KLC2: variants seen among roughly 807,000 people sequenced by gnomAD.
The protein encoded by KLC2 is KLC 2.
A neutral mutation model predicts 75.1 loss-of-function variants in KLC2; 35 were observed. The ratio of observed to expected loss-of-function variants is 0.47; its 90% CI spans 0.36 to 0.62. KLC2 has a LOEUF of 0.62. Among genes scored for constraint, KLC2 ranks in the 20% least tolerant of loss-of-function variants. KLC2 has a pLI of 0.00. For missense variants in KLC2, 611 were observed against 833.2 expected (o/e 0.73, Z 3.28); for synonymous variants, 314 against 336.7 (o/e 0.93, Z 0.74).
chr11:66,263,046 C>T lies in KLC2; in HGVS notation c.752+10C>T. On this transcript the variant is annotated intron_variant, in intron 5 of 15. Transcript: ENST00000394067. ...TGGCACTGGTCTATCGGTGAGGACTCTCTGGGGGTGCCCAAATTCTTCTGG... is the reference window on the plus strand; with the variant it reads ...TGGCACTGGTCTATCGGTGAGGACTTTCTGGGGGTGCCCAAATTCTTCTGG... 1 of 1,599,438 alleles carries T rather than the reference C, an allele frequency of 6.3e-7. No individual in the cohort carries two copies. Among genetic ancestry groups the T allele is most frequent in the Non-Finnish European group, 8.6e-7 (1 of 1,167,524 alleles).
chr11:66,258,602 T>C lies in KLC2; in HGVS notation c.8T>C (p.Met3Thr), dbSNP rs1300899787. 21 of 1,611,960 alleles carry C rather than the reference T, an allele frequency of 1.3e-5. No individual in the cohort carries two copies. Among genetic ancestry groups the C allele is most frequent in the Non-Finnish European group, 1.5e-5 (18 of 1,178,492 alleles). Residue 3 changes from methionine (M) to threonine (T), a missense_variant, in exon 2 of 16, where the codon ATG becomes ACG. Coordinates refer to ENST00000394067, the MANE Select transcript of KLC2 (RefSeq NM_001318734.2). ...CTCACAGACGCCACAGCCATGGCCA[T>C]GATGGTGTTTCCGCGGGAGGAGAAG... MA[M>T]MVFPREEKLS...
intron 3 of KLC2, 56 bp downstream of exon 3, chr11:66,262,028 G>T: frequency 6.3e-7 from 1 of 1,590,744 alleles, no homozygotes; most frequent in Non-Finnish European, 8.6e-7. Flanking sequence ...AGCAGGGAGG[G>T]GCAGCATGGA....
At position 66,266,096 on chromosome 11, in the gene KLC2, G is replaced by A. The variant is rs766793057; in HGVS notation, c.1606G>A (p.Gly536Ser). Residue 536 changes from glycine to serine, a missense_variant, in exon 14 of 16, where the codon GGC becomes AGC. Coordinates refer to ENST00000394067, the MANE Select transcript of KLC2 (RefSeq NM_001318734.2). ...AGGCAAGCCTGTCCACCTGCAGGAT[G>A]GCAGTGGCTCCTTGAGGCGCAGCGG... is the stretch of plus-strand genomic sequence containing the variant. ...VGPTAEWNGDGSGSLRRSGSF... is the reference protein window; with the variant it reads ...VGPTAEWNGDSSGSLRRSGSF... The A allele has an allele frequency of 1.2e-6, 2 of 1,614,096 alleles. No individual in the cohort carries two copies. The highest frequency in any genetic ancestry group is 2.2e-5 in the South Asian group (2 of 91,080).
chr11:66,253,672 GGGA>G (rs1189456454), upstream of KLC2, among the ~76,000 whole-genome samples: 1 of 152,230 alleles, frequency 6.6e-6, no homozygotes, highest in Non-Finnish European at 1.5e-5. Flanking sequence ...CTCTTCCTTT[GGGA>G]GACACACAGT....
chr11:66,258,392 C>T (rs1856158852), intron 1 of KLC2, 192 bp from the exon 2 acceptor site: 1 of 585,546 alleles, frequency 1.7e-6, no homozygotes, highest in Non-Finnish European at 3.1e-6. Context: ...CACCGCATTG[C>T]GTCTCCCAGG....
chr11:66,253,377 A>G (rs1279209019), upstream of KLC2, among the ~76,000 whole-genome samples: 1 of 152,222 alleles, frequency 6.6e-6, no homozygotes, highest in African/African-American at 2.4e-5. Context: ...TTAAGAAAGC[A>G]GATTTCAGTG....
At position 66,265,689 on chromosome 11, in the gene KLC2, G is replaced by T. The variant is rs774467279; in HGVS notation, c.1369G>T (p.Ala457Ser). The T allele has an allele frequency of 1.9e-6, 3 of 1,613,788 alleles. No homozygotes were observed. In the South Asian group the frequency reaches 3.3e-5, roughly 18 times the overall value. The change falls in exon 12 of 16, where the codon GCC (alanine) becomes TCC (serine). Residue 457 changes from alanine to serine, a missense_variant. Physicochemically the swap from Ala to Ser is moderately conservative, Grantham distance 99. Transcript: ENST00000394067. Reference protein sequence around the residue: ...TVNTTLRSLGALYRRQGKLEA... With the variant: ...TVNTTLRSLGSLYRRQGKLEA... ...CAACACCACCCTGCGCAGCTTGGGG[G>T]CCCTATACCGGCGCCAGGGCAAGCT...
the KLC2 span, among the ~76,000 whole-genome samples, chr11:66,252,021 TG>T: frequency 4.6e-5 from 7 of 152,134 alleles, no homozygotes; most frequent in African/African-American, 7.2e-5. Flanking sequence ...CCTGATCACA[TG>T]GGCACCTACG....
At chr11:66,254,144 C>T (rs926195817), upstream of KLC2, among the ~76,000 whole-genome samples, 2 of 152,092 alleles carry the variant, frequency 1.3e-5, no homozygotes, top group African/African-American at 4.8e-5. Flanking sequence ...ATGGCGTGAA[C>T]CTGGGAGGCA....
intron 1 of KLC2, chr11:66,258,356 T>C (rs896904402): frequency 1.8e-6 from 1 of 555,654 alleles, no homozygotes; most frequent in African/African-American, 1.9e-5. Flanking sequence ...GAGCCGGTGG[T>C]CTGGGGCCGA....
rs1590878228 is a variant in KLC2 at position 66,267,050 on chromosome 11, C to A, written c.*94C>A. On this transcript the variant is annotated 3_prime_UTR_variant, in exon 16 of 16. Coordinates refer to ENST00000394067, the MANE Select transcript of KLC2 (RefSeq NM_001318734.2). ...GGCCTGCTGCTTGTCCCGCCTGTCT[C>A]TCCCACAGCCCCTGTCTTTTCTGTT... 1 of 1,581,616 alleles carries A rather than the reference C, an allele frequency of 6.3e-7. No homozygotes were observed. Among genetic ancestry groups the A allele is most frequent in the East Asian group, 2.3e-5 (1 of 43,296 alleles).
At position 66,265,193 on chromosome 11, in the gene KLC2, A is replaced by G. The variant is rs760718606; in HGVS notation, c.1292A>G (p.Tyr431Cys). The change falls in exon 11 of 16, where the codon TAT becomes TGT. Residue 431 changes from tyrosine to cysteine, a missense_variant. Physicochemically the swap from Tyr to Cys is radical, Grantham distance 194. Transcript: ENST00000394067. ...GATAAGCGCCGGGACAGCGCCCCCT[A>G]TGGGGAATACGGCAGCTGGTACAAG... ...SKDKRRDSAP[Y>C]GEYGSWYKAC... 7.3e-7 allele frequency: 1 copy of G among 1,377,842 alleles called. No homozygotes were observed. Among genetic ancestry groups the G allele is most frequent in the South Asian group, 1.1e-5 (1 of 88,208 alleles). 85.4% of individuals were successfully genotyped at this position (1,377,842 alleles called of 1,614,324 possible). A position where few individuals can be genotyped will look rare whatever the true frequency, so the allele number is the denominator to read the frequency against.
At chr11:66,261,019 A>G (rs1445267491) in intron 2 of KLC2, 1 of 151,450 alleles carries the variant, frequency 6.6e-6, no homozygotes, top group Non-Finnish European at 1.5e-5. Flanking sequence ...TGACGGTGCC[A>G]TAGCCCTTCG....
chr11:66,255,059 C>T (rs1026523991), upstream of KLC2, among the ~76,000 whole-genome samples: 2 of 152,212 alleles, frequency 1.3e-5, no homozygotes, highest in East Asian at 1.9e-4. Flanking sequence ...AACAAAAGTG[C>T]CTTGTGCTCC....
chr11:66,262,333 A>G (rs1856495180), intron 4 of KLC2, 141 bp downstream of exon 4: 4 of 676,926 alleles, frequency 5.9e-6, no homozygotes, highest in South Asian at 3.5e-5. Flanking sequence ...GAACAGTTGT[A>G]CGTGCTGCTG....
At chr11:66,256,407 T>G (rs747392302), upstream of KLC2, among the ~76,000 whole-genome samples, 3 of 152,106 alleles carry the variant, frequency 2.0e-5, no homozygotes, top group Non-Finnish European at 2.9e-5. Context: ...CTGGCCAACA[T>G]GGTGAAACCC....
In KLC2 at chr11:66,261,764, A is replaced by T; in HGVS notation, c.251A>T (p.His84Leu). ...EAQVILALSSHLGAVESEKQK... is the reference protein window; with the variant it reads ...EAQVILALSSLLGAVESEKQK... ...CAGGTGATCTTGGCATTGTCGAGCC[A>T]CCTGGGGGCTGTAGAATCAGAGAAG... is the stretch of plus-strand genomic sequence containing the variant. Residue 84 changes from histidine to leucine, a missense_variant, in exon 3 of 16, where the codon CAC becomes CTC. By Grantham distance (99) the His-to-Leu change is moderately conservative. Transcript: ENST00000394067. The T allele has an allele frequency of 6.2e-7, 1 of 1,612,120 alleles. No individual in the cohort carries two copies. Among genetic ancestry groups the T allele is most frequent in the Non-Finnish European group, 8.5e-7 (1 of 1,179,788 alleles).
chr11:66,253,215 C>G (rs1855977978), upstream of KLC2, among the ~76,000 whole-genome samples: 2 of 152,024 alleles, frequency 1.3e-5, no homozygotes, highest in African/African-American at 4.8e-5. Flanking sequence ...GTGATCCGCC[C>G]ATCTCGGCCT....
chr11:66,252,680 TA>T (rs1855974080), upstream of KLC2, among the ~76,000 whole-genome samples: 1 of 152,138 alleles, frequency 6.6e-6, no homozygotes, highest in African/African-American at 2.4e-5. Context: ...GCGACACCAC[TA>T]GCAAATGGAG....
Sources: gnomAD v4.1 joint callset for allele counts (sites outside exome capture counted in the v4.1 genomes callset) on GRCh38, gnomAD v4.1.1 for gene constraint, MANE v1.5 for transcripts, NCBI Gene and HGNC (gene_info 2026-07-23, HGNC 2026-07-21) for gene names.